PLCG2: variants seen among roughly 807,000 people sequenced by gnomAD.
PLCG2 encodes phospholipase C gamma 2, also known as 1-phosphatidylinositol 4,5-bisphosphate phosphodiesterase gamma-2.
PLCG2 carries 69 observed loss-of-function variants against 175.6 expected under a neutral mutation model. The observed-to-expected ratio is 0.39, with a 90% confidence interval of 0.32 to 0.48. The LOEUF (loss-of-function observed/expected upper bound fraction) is 0.48, where lower values mean the gene tolerates loss of function less well. Ranked by LOEUF, PLCG2 falls within the 20% of genes least tolerant of loss-of-function variation. The pLI is 0.91. For missense variants in PLCG2, 1,798 were observed against 1,650.9 expected, an observed-to-expected ratio of 1.09 and a Z score of -1.54; for synonymous variants, 827 against 624.0, an observed-to-expected ratio of 1.33 and a Z score of -4.85.
chr16:81,949,121 T>C (rs1276126673), intron 31 of PLCG2, among the ~76,000 whole-genome samples: 2 of 151,964 alleles, frequency 1.3e-5, no homozygotes, highest in South Asian at 2.1e-4. Flanking sequence ...AACCCCACCA[T>C]GAGATGGAAA....
At chr16:81,787,127 A>T (rs35319567) in intron 2 of PLCG2, among the ~76,000 whole-genome samples, 6 of 152,344 alleles carry the variant, frequency 3.9e-5, no homozygotes, top group African/African-American at 1.2e-4. Context: ...ACAGGCCTCA[A>T]TGTAACAGTT....
intron 1 of PLCG2, among the ~76,000 whole-genome samples, chr16:81,749,259 G>C (rs1426568027): frequency 6.6e-6 from 1 of 152,130 alleles, no homozygotes; most frequent in Non-Finnish European, 1.5e-5. Context: ...TATAATCCCT[G>C]AAGATGTAGA....
intron 2 of PLCG2, among the ~76,000 whole-genome samples, chr16:81,762,384 C>A (rs954958468): frequency 6.6e-6 from 1 of 151,848 alleles, no homozygotes; most frequent in Non-Finnish European, 1.5e-5. Context: ...GCCTGGCCAA[C>A]ATGGGAATAT....
chr16:81,910,322 C>G (rs1339501838), intron 17 of PLCG2, among the ~76,000 whole-genome samples, 198 bp from the exon 18 acceptor site: 2 of 152,184 alleles, frequency 1.3e-5, no homozygotes, highest in Non-Finnish European at 2.9e-5. Context: ...AACTCCTAAT[C>G]TCAGGTGATC....
At chr16:81,878,518 A>G (rs1246651827) in intron 7 of PLCG2, among the ~76,000 whole-genome samples, 1 of 152,098 alleles carries the variant, frequency 6.6e-6, no homozygotes, top group Admixed American at 6.5e-5. Flanking sequence ...TGTGCCCCAT[A>G]CTGTCAACTA....
At chr16:81,884,875 G>A (rs539392152) in intron 9 of PLCG2, among the ~76,000 whole-genome samples, 16 of 151,818 alleles carry the variant, frequency 1.1e-4, no homozygotes, top group Non-Finnish European at 2.2e-4. Flanking sequence ...TAAAAATTAC[G>A]AGCATTTTGC....
chr16:81,766,329 G>T (rs1206100630), intron 2 of PLCG2, among the ~76,000 whole-genome samples: 1 of 152,196 alleles, frequency 6.6e-6, no homozygotes, highest in African/African-American at 2.4e-5. Flanking sequence ...TGGAGACACA[G>T]GTGGACACCT....
intron 2 of PLCG2, among the ~76,000 whole-genome samples, chr16:81,803,609 C>G (rs1202538746): frequency 1.7e-5 from 2 of 119,754 alleles, no homozygotes; most frequent in Non-Finnish European, 3.5e-5. Context: ...CTTTTCTTTT[C>G]TTTTCTTTTC....
intron 2 of PLCG2, among the ~76,000 whole-genome samples, chr16:81,840,557 CAG>C (rs1038805277): frequency 1.3e-5 from 2 of 152,178 alleles, no homozygotes; most frequent in Non-Finnish European, 2.9e-5. Flanking sequence ...GAGACAGTGA[CAG>C]ATCATCAGGC....
At chr16:81,852,556 C>A (rs1454174042) in intron 2 of PLCG2, among the ~76,000 whole-genome samples, 1 of 152,048 alleles carries the variant, frequency 6.6e-6, no homozygotes. Flanking sequence ...GAGGAGTCAC[C>A]TTTGAGTCAG....
chr16:81,896,365 AACACACACACACAC>A (rs57375866), intron 13 of PLCG2, among the ~76,000 whole-genome samples: 19,329 of 120,902 alleles, frequency 0.16, 1,733 homozygotes, highest in East Asian at 0.31. Flanking sequence ...TCTCTACCAA[AACACACACACACAC>A]ACACACACAC....
At chr16:81,771,940 G>A (rs1282916178) in intron 2 of PLCG2, among the ~76,000 whole-genome samples, 4 of 151,830 alleles carry the variant, frequency 2.6e-5, no homozygotes, top group East Asian at 1.9e-4. Context: ...GTGCCTCTAC[G>A]CCTGGCTACT....
chr16:81,865,919 G>T (rs1907208656), intron 5 of PLCG2, among the ~76,000 whole-genome samples: 1 of 135,976 alleles, frequency 7.4e-6, no homozygotes. Context: ...AGCTCCACTG[G>T]GGCACCAGCA....
At chr16:81,887,106 C>A (rs1908405754) in intron 9 of PLCG2, among the ~76,000 whole-genome samples, 1 of 151,758 alleles carries the variant, frequency 6.6e-6, no homozygotes, top group Non-Finnish European at 1.5e-5. Context: ...GACATCTTGG[C>A]CAGGCAAAGT....
chr16:81,889,611 C>A (rs1221440497), intron 10 of PLCG2, among the ~76,000 whole-genome samples: 1 of 151,962 alleles, frequency 6.6e-6, no homozygotes, highest in East Asian at 1.9e-4. Context: ...ATCATCCTCC[C>A]TTTCAGAGGC....
At chr16:81,912,575 T>G in intron 18 of PLCG2, 22 bp from the exon 19 acceptor site, 1 of 1,607,940 alleles carries the variant, frequency 6.2e-7, no homozygotes, top group East Asian at 2.2e-5. Context: ...ACCTGGTCGT[T>G]TTCCCTGGCC....
At chr16:81,846,065 G>A (rs1010531233) in intron 2 of PLCG2, among the ~76,000 whole-genome samples, 1 of 152,214 alleles carries the variant, frequency 6.6e-6, no homozygotes, top group Non-Finnish European at 1.5e-5. Context: ...GCCCCACTCA[G>A]CTCCCATTAC....
intron 31 of PLCG2, among the ~76,000 whole-genome samples, chr16:81,954,899 C>T (rs1911505882): frequency 6.6e-6 from 1 of 152,102 alleles, no homozygotes; most frequent in South Asian, 2.1e-4. Context: ...GTTCTAGATC[C>T]TTGAGGAACC....
chr16:81,809,713 G>A (rs1046640124), intron 2 of PLCG2, among the ~76,000 whole-genome samples: 2 of 151,718 alleles, frequency 1.3e-5, no homozygotes, highest in African/African-American at 2.4e-5. Flanking sequence ...CTATGCATGT[G>A]TCTTTCTCCT....
Sources: allele counts gnomAD v4.1 joint callset (sites outside exome capture counted in the v4.1 genomes callset), GRCh38; gene constraint gnomAD v4.1.1; transcripts MANE v1.5; gene names NCBI Gene and HGNC (gene_info 2026-07-23, HGNC 2026-07-21).